Variants in SLC25A14 observed in about 807,000 individuals in gnomAD.
SLC25A14 encodes solute carrier family 25 member 14, also known as brain mitochondrial carrier protein 1.
A neutral mutation model predicts 28.1 loss-of-function variants in SLC25A14; 8 were observed. That is an observed-to-expected ratio of 0.28 (90% CI 0.17 to 0.51). The LOEUF (loss-of-function observed/expected upper bound fraction) is 0.51, where lower values mean the gene tolerates loss of function less well. SLC25A14 is among the 20% of genes least tolerant of loss of function. The pLI is 0.97. For synonymous variants in SLC25A14, 74 were observed against 90.6 expected (o/e 0.82, Z 1.04); for missense variants, 135 against 263.8 (o/e 0.51, Z 3.38).
In SLC25A14 at chrX:130,365,528, C is replaced by A; in HGVS notation, c.720-13C>A. On this transcript the variant is annotated splice_polypyrimidine_tract_variant and intron_variant, in intron 8 of 10. Transcript: ENST00000545805. The stretch of plus-strand genomic sequence containing the variant: ...TGAAAGTGGGGTCGATCTACTTAAA[C>A]TTTTCCTCTTAGTTCCAGCTTTACA... 1 of 1,210,463 alleles carries A rather than the reference C, an allele frequency of 8.3e-7. No individual in the cohort carries two copies. The highest frequency in any genetic ancestry group is 3.0e-5 in the East Asian group (1 of 33,822).
chrX:130,354,360 G>T (rs926198444), intron 6 of SLC25A14, among the ~76,000 whole-genome samples: 1 of 111,534 alleles, frequency 9.0e-6, no homozygotes, highest in Admixed American at 9.5e-5. Context: ...TGATCCACCC[G>T]CCTTGGCCTC....
rs758398611 is a variant in SLC25A14, at chrX:130,365,586, G to A, written c.765G>A (p.Pro255=). 6 of 1,211,479 alleles carry A rather than the reference G, an allele frequency of 5.0e-6. No homozygotes were observed. Among genetic ancestry groups the A allele is most frequent in the East Asian group, 5.9e-5 (2 of 33,846 alleles). ...CGLAGALASN[P]VDVVRTRMMN... is the part of the protein sequence containing the mutation. ...TGGCTGGGGCTCTGGCCTCCAACCC[G>A]GTTGATGTGGTTCGAACTCGCATGA... is the stretch of plus-strand genomic sequence containing the variant. Residue 255 remains proline (P), a synonymous_variant, in exon 9 of 11, where the codon CCG becomes CCA. Transcript: ENST00000545805.
rs754247445 is a variant in SLC25A14 at position 130,352,944 on chromosome X, T to C, written c.498+2213T>C. On this transcript the variant is annotated intron_variant, in intron 6 of 10. Coordinates refer to ENST00000545805, the MANE Select transcript of SLC25A14 (RefSeq NM_001282195.2). Reference sequence around the variant, plus strand: ...GGTCCCGCTTGTCAATTTTTTGTTTTGTTGCAATTGCTTTTGATGACTTAG... The same window carrying C: ...GGTCCCGCTTGTCAATTTTTTGTTTCGTTGCAATTGCTTTTGATGACTTAG... 5.3e-5 allele frequency among the ~76,000 whole-genome samples: 6 copies of C among 112,644 alleles called. No individual in the cohort carries two copies. In the East Asian group the frequency reaches 1.7e-3, roughly 31 times the overall value.
chrX:130,354,370 C>T (rs989011954), intron 6 of SLC25A14, among the ~76,000 whole-genome samples: 1 of 111,970 alleles, frequency 8.9e-6, no homozygotes, highest in Non-Finnish European at 1.9e-5. Context: ...GCCTTGGCCT[C>T]CCAAAGTGCT....
At chrX:130,358,150 G>A (rs1246164022) in intron 6 of SLC25A14, among the ~76,000 whole-genome samples, 1 of 111,555 alleles carries the variant, frequency 9.0e-6, no homozygotes. Context: ...ATAGTACTTC[G>A]CAATTTTTTT....
At chrX:130,365,763 C>A in intron 9 of SLC25A14, 87 bp downstream of exon 9, 1 of 640,616 alleles carries the variant, frequency 1.6e-6, no homozygotes. Context: ...TTGCTACATA[C>A]CATTTTGAAG....
Position 130,341,779 on chromosome X carries a change from A to G in SLC25A14, c.75+1426A>G, listed in dbSNP as rs1317354124. Among the ~76,000 whole-genome samples the G allele has an allele frequency of 3.6e-5, 4 of 112,097 alleles. No individual in the cohort carries two copies. In the East Asian group the frequency reaches 1.1e-3, roughly 31 times the overall value. On this transcript the variant is annotated intron_variant, in intron 2 of 10. Coordinates refer to ENST00000545805, the MANE Select transcript of SLC25A14 (RefSeq NM_001282195.2). ...ACCTTAGATATGACTACTTTTACGC[A>G]TATTTGGGGTTAGCCCCTACAAGTT... is the stretch of plus-strand genomic sequence containing the variant.
At chrX:130,365,077 C>A in intron 8 of SLC25A14, 1 of 796,292 alleles carries the variant, frequency 1.3e-6, no homozygotes, top group Non-Finnish European at 1.5e-6. Context: ...AGAAAGCAAA[C>A]TTTTCTCAGT....
chrX:130,346,401 A>G lies in SLC25A14; in HGVS notation c.170-143A>G, dbSNP rs185828962. ...TACCACATGCAACTCATGTTCTCTG[A>G]CAGTGGTATTCTACTAGAGCTCTTC... On this transcript the variant is annotated intron_variant, in intron 3 of 10. Coordinates refer to ENST00000545805, the MANE Select transcript of SLC25A14 (RefSeq NM_001282195.2). 104 of 476,585 alleles carry G rather than the reference A, an allele frequency of 2.2e-4. No homozygotes were observed. The African/African-American group carries it at 2.3e-3, about 11-fold the overall frequency. The allele number at this position is 476,585 out of a possible 1,213,427, so 39.3% of individuals were successfully genotyped here.
chrX:130,356,217 C>CTTTTTTT (rs145822008), intron 6 of SLC25A14, among the ~76,000 whole-genome samples: 1 of 52,054 alleles, frequency 1.9e-5, no homozygotes. Flanking sequence ...CAAGGGCAAT[C>CTTTTTTT]TTTTTTTTTT....
chrX:130,367,227 G>T (rs2034140757), intron 9 of SLC25A14, among the ~76,000 whole-genome samples: 2 of 112,250 alleles, frequency 1.8e-5, no homozygotes, highest in South Asian at 7.4e-4. Context: ...CTGAACTTGA[G>T]CATGATAATG....
chrX:130,369,150 G>C (rs745653030), intron 9 of SLC25A14, among the ~76,000 whole-genome samples: 1 of 111,685 alleles, frequency 9.0e-6, no homozygotes, highest in Non-Finnish European at 1.9e-5. Context: ...AAAGATTCAA[G>C]CCGGGTGCTG....
chrX:130,345,048 G>T, intron 2 of SLC25A14, 134 bp from the exon 3 acceptor site: 1 of 467,282 alleles, frequency 2.1e-6, no homozygotes, highest in Admixed American at 3.7e-5. Flanking sequence ...CCCCATTTTT[G>T]TGTCATTCCA....
intron 2 of SLC25A14, 101 bp from the exon 3 acceptor site, chrX:130,345,081 A>G: frequency 1.7e-6 from 1 of 578,409 alleles, no homozygotes; most frequent in Non-Finnish European, 2.9e-6. Context: ...TTTCTTCTAC[A>G]TCTATTTTAT....
Position 130,340,143 on chromosome X carries a change from G to C in SLC25A14, c.-136G>C. 8.8e-7 allele frequency: 1 copy of C among 1,131,218 alleles called. No homozygotes were observed. The highest frequency in any genetic ancestry group is 1.2e-6 in the Non-Finnish European group (1 of 860,325). 93.2% of individuals were successfully genotyped at this position (1,131,218 alleles called of 1,213,427 possible). On this transcript the variant is annotated 5_prime_UTR_variant, in exon 2 of 11. Transcript: ENST00000545805. ...CCCTGTCTTTCACTCTTCTGGCATC[G>C]GTGGTTTTACTTCTTCGATTGAACC...
intron 9 of SLC25A14, among the ~76,000 whole-genome samples, chrX:130,368,780 T>G (rs903269723): frequency 4.5e-5 from 5 of 112,028 alleles, no homozygotes; most frequent in Non-Finnish European, 7.5e-5. Flanking sequence ...TACACAAGAT[T>G]ACACAGCTAA....
At chrX:130,342,846 C>T (rs1373883746) in intron 2 of SLC25A14, among the ~76,000 whole-genome samples, 1 of 106,984 alleles carries the variant, frequency 9.3e-6, no homozygotes, top group Non-Finnish European at 1.9e-5. Flanking sequence ...TAATAATAGA[C>T]AGTCCCTAAA....
intron 4 of SLC25A14, among the ~76,000 whole-genome samples, chrX:130,347,953 G>A (rs937955364): frequency 1.1e-5 from 1 of 88,005 alleles, no homozygotes; most frequent in African/African-American, 4.2e-5. Context: ...GAATTCCCCA[G>A]TGAAATTATC....
At chrX:130,350,806 C>A in intron 6 of SLC25A14, 75 bp downstream of exon 6, 1 of 582,238 alleles carries the variant, frequency 1.7e-6, no homozygotes. Flanking sequence ...CACTCTGTCA[C>A]TTGCCAGCTG....
Sources: allele counts gnomAD v4.1 joint callset (sites outside exome capture counted in the v4.1 genomes callset), GRCh38; gene constraint gnomAD v4.1.1; transcripts MANE v1.5; gene names NCBI Gene and HGNC (gene_info 2026-07-23, HGNC 2026-07-21).